Variants in C7orf78 observed in about 807,000 individuals in gnomAD.
C7orf78 encodes putative uncharacterized protein C7orf78.
chr7:12,526,834 G>A, the C7orf78 span, among the ~76,000 whole-genome samples: 3 of 151,980 alleles, frequency 2.0e-5, no homozygotes, highest in East Asian at 5.8e-4. Context: ...ATGCCATCTA[G>A]CTGTGTAATT....
the C7orf78 span, among the ~76,000 whole-genome samples, chr7:12,510,125 A>G: frequency 1.5e-4 from 23 of 149,864 alleles, no homozygotes; most frequent in African/African-American, 4.9e-4. Context: ...TTTTTAATCC[A>G]GTGTTCAATT....
At chr7:12,532,279 G>A in the C7orf78 span, among the ~76,000 whole-genome samples, 1 of 152,190 alleles carries the variant, frequency 6.6e-6, no homozygotes, top group Non-Finnish European at 1.5e-5. Context: ...GCCGGGCATG[G>A]TGGCTCACGC....
At chr7:12,520,111 T>C in the C7orf78 span, among the ~76,000 whole-genome samples, 9 of 152,164 alleles carry the variant, frequency 5.9e-5, no homozygotes, top group African/African-American at 1.9e-4. Context: ...CACTTACCCT[T>C]TCTCTGCAAA....
chr7:12,484,605 TA>T, the C7orf78 span, among the ~76,000 whole-genome samples: 1 of 152,198 alleles, frequency 6.6e-6, no homozygotes, highest in East Asian at 1.9e-4. Context: ...TATACATTTA[TA>T]TATTATGCTG....
chr7:12,496,204 C>T, the C7orf78 span, among the ~76,000 whole-genome samples: 2 of 152,182 alleles, frequency 1.3e-5, no homozygotes, highest in Non-Finnish European at 2.9e-5. Context: ...GGAATACAGG[C>T]GTGAGCCACC....
At chr7:12,538,060 T>A in the C7orf78 span, among the ~76,000 whole-genome samples, 1 of 152,304 alleles carries the variant, frequency 6.6e-6, no homozygotes, top group South Asian at 2.1e-4. Flanking sequence ...ATGTAGTATT[T>A]TCTGACCTTG....
At chr7:12,496,880 T>G in the C7orf78 span, among the ~76,000 whole-genome samples, 22 of 152,350 alleles carry the variant, frequency 1.4e-4, no homozygotes, top group African/African-American at 5.1e-4. Flanking sequence ...TCAACTTTAC[T>G]GCCGTTTTCA....
chr7:12,522,999 T>A, the C7orf78 span: 1 of 398,206 alleles, frequency 2.5e-6, no homozygotes, highest in East Asian at 3.6e-5. Context: ...GCCCCCCACA[T>A]AATATACCAT....
the C7orf78 span, among the ~76,000 whole-genome samples, chr7:12,528,688 G>C: frequency 6.6e-6 from 1 of 152,208 alleles, no homozygotes; most frequent in Non-Finnish European, 1.5e-5. Context: ...AGAAATAAAA[G>C]GTGGGATTGG....
chr7:12,504,456 A>C, the C7orf78 span: 1 of 152,192 alleles, frequency 6.6e-6, no homozygotes. Flanking sequence ...GCAAAGGATA[A>C]TGTTAAACTG....
the C7orf78 span, among the ~76,000 whole-genome samples, chr7:12,532,926 G>T: frequency 1.3e-5 from 2 of 152,144 alleles, no homozygotes; most frequent in Non-Finnish European, 2.9e-5. Context: ...TGACCAGAAA[G>T]CTGTCTCCAG....
the C7orf78 span, among the ~76,000 whole-genome samples, chr7:12,503,766 C>T: frequency 6.6e-6 from 1 of 151,804 alleles, no homozygotes. Flanking sequence ...AAATATGTAT[C>T]TATTGAGTGT....
At chr7:12,496,066 CAG>C in the C7orf78 span, among the ~76,000 whole-genome samples, 1 of 152,112 alleles carries the variant, frequency 6.6e-6, no homozygotes, top group Non-Finnish European at 1.5e-5. Flanking sequence ...GGTGCAACTA[CAG>C]GTGCCCGCCA....
At chr7:12,520,167 C>T in the C7orf78 span, among the ~76,000 whole-genome samples, 5 of 152,216 alleles carry the variant, frequency 3.3e-5, no homozygotes, top group African/African-American at 9.7e-5. Context: ...AAGCTAACCC[C>T]TTGCTTTCTT....
chr7:12,487,459 G>C, the C7orf78 span, among the ~76,000 whole-genome samples: 2 of 152,154 alleles, frequency 1.3e-5, no homozygotes, highest in South Asian at 2.1e-4. Flanking sequence ...ATCTCAGCAA[G>C]GAGAGAGTAA....
chr7:12,508,661 C>G, the C7orf78 span, among the ~76,000 whole-genome samples: 1 of 152,150 alleles, frequency 6.6e-6, no homozygotes, highest in Non-Finnish European at 1.5e-5. Flanking sequence ...GCAGGGGCCT[C>G]CAACCCAAAC....
At chr7:12,527,984 A>G in the C7orf78 span, among the ~76,000 whole-genome samples, 2 of 148,518 alleles carry the variant, frequency 1.3e-5, no homozygotes, top group Admixed American at 1.3e-4. Flanking sequence ...AGTATATGCT[A>G]AGTGTCACTC....
At chr7:12,499,462 A>G in the C7orf78 span, among the ~76,000 whole-genome samples, 1 of 149,714 alleles carries the variant, frequency 6.7e-6, no homozygotes, top group East Asian at 2.0e-4. Flanking sequence ...TTAAACCAAC[A>G]AAGATCAAAA....
At chr7:12,515,275 G>A in the C7orf78 span, among the ~76,000 whole-genome samples, 5 of 152,182 alleles carry the variant, frequency 3.3e-5, no homozygotes, top group Non-Finnish European at 4.4e-5. Context: ...TAGTGAATAA[G>A]TCTCACGAGA....
Sources: gnomAD v4.1 joint callset for allele counts (sites outside exome capture counted in the v4.1 genomes callset) on GRCh38, gnomAD v4.1.1 for gene constraint, MANE v1.5 for transcripts, NCBI Gene and HGNC (gene_info 2026-07-23, HGNC 2026-07-21) for gene names.